Variants in PRKN observed in about 807,000 individuals in gnomAD.
PRKN encodes the protein E3 ubiquitin-protein ligase parkin.
In PRKN, 56 loss-of-function variants were observed where a neutral mutation model predicts 59.5. The ratio of observed to expected loss-of-function variants is 0.94; its 90% CI spans 0.76 to 1.18. The LOEUF is 1.18. Ranked by LOEUF, PRKN falls within the 50% of genes most tolerant of loss-of-function variation. PRKN has a pLI of 0.00. For synonymous variants in PRKN, 250 were observed against 222.1 expected (o/e 1.13, Z -1.12); for missense variants, 657 against 596.4 (o/e 1.10, Z -1.06).
intron 7 of PRKN, among the ~76,000 whole-genome samples, chr6:161,754,275 A>G (rs1171850446): frequency 6.6e-6 from 1 of 151,940 alleles, no homozygotes; most frequent in Non-Finnish European, 1.5e-5. Flanking sequence ...GATCTCAAAG[A>G]GAAAAGTGTG....
At chr6:161,952,350 G>T (rs537911703) in intron 6 of PRKN, among the ~76,000 whole-genome samples, 2 of 152,268 alleles carry the variant, frequency 1.3e-5, no homozygotes, top group East Asian at 3.9e-4. Context: ...AGGCGCCGTG[G>T]CTCATGCCTG....
At chr6:161,725,865 A>T (rs1787420275) in intron 7 of PRKN, among the ~76,000 whole-genome samples, 2 of 152,176 alleles carry the variant, frequency 1.3e-5, no homozygotes, top group Admixed American at 6.5e-5. Context: ...CTCTTCTCCC[A>T]TCCTCGGTCA....
intron 4 of PRKN, among the ~76,000 whole-genome samples, chr6:162,067,009 G>A (rs1022276721): frequency 6.6e-6 from 1 of 152,108 alleles, no homozygotes; most frequent in Non-Finnish European, 1.5e-5. Context: ...GATGACCAAC[G>A]GGATATAACA....
intron 9 of PRKN, among the ~76,000 whole-genome samples, chr6:161,504,073 C>T (rs573437734): frequency 7.2e-5 from 11 of 152,232 alleles, no homozygotes; most frequent in South Asian, 6.2e-4. Flanking sequence ...AAAGCTATAC[C>T]GATGACATGG....
intron 1 of PRKN, among the ~76,000 whole-genome samples, chr6:162,626,418 C>T (rs996833578): frequency 6.6e-6 from 1 of 152,126 alleles, no homozygotes; most frequent in Admixed American, 6.5e-5. Flanking sequence ...GAATGACTCT[C>T]GAATTAATCA....
In PRKN at chr6:161,499,255, C is replaced by T. The variant is rs1488768521; in HGVS notation, c.1083+49599G>A. ...CTTGCTAAAGTGAAGAATGAGGACA[C>T]CCTGGGCCTCCACTCCTTCCCTTCA... On this transcript the variant is annotated intron_variant, in intron 9 of 11. Coordinates refer to ENST00000366898, the MANE Select transcript of PRKN (RefSeq NM_004562.3). This position sits in a 1 kb window ranked among gnomAD's most constrained non-coding sequence, Gnocchi z 4.2. Among the ~76,000 whole-genome samples, 1 of 151,858 alleles carries T rather than the reference C, an allele frequency of 6.6e-6. No individual in the cohort carries two copies. Among genetic ancestry groups the T allele is most frequent in the African/African-American group, 2.4e-5 (1 of 41,334 alleles).
At chr6:162,212,086 T>G (rs2023071) in intron 3 of PRKN, among the ~76,000 whole-genome samples, 1 of 151,934 alleles carries the variant, frequency 6.6e-6, no homozygotes, top group Non-Finnish European at 1.5e-5. Flanking sequence ...TGTGGGACCA[T>G]GAAAGTCTTT....
At chr6:162,622,309 T>TC (rs1782707888) in intron 1 of PRKN, among the ~76,000 whole-genome samples, 3 of 149,728 alleles carry the variant, frequency 2.0e-5, no homozygotes, top group African/African-American at 7.4e-5. Context: ...TTTTGTTTTG[T>TC]TTTTTTTTGG....
intron 2 of PRKN, among the ~76,000 whole-genome samples, chr6:162,315,995 C>A (rs905726036): frequency 3.3e-5 from 5 of 151,216 alleles, no homozygotes; most frequent in Non-Finnish European, 5.9e-5. Flanking sequence ...AGGCAGCTAA[C>A]AAAGAGGGCA....
At chr6:161,748,817 T>C (rs1009282719) in intron 7 of PRKN, among the ~76,000 whole-genome samples, 2 of 152,206 alleles carry the variant, frequency 1.3e-5, no homozygotes, top group African/African-American at 4.8e-5. Flanking sequence ...CTGTTGAGAA[T>C]TGAAAGTCTC....
intron 4 of PRKN, among the ~76,000 whole-genome samples, chr6:162,191,705 A>C (rs1784283164): frequency 6.6e-6 from 1 of 152,150 alleles, no homozygotes; most frequent in Non-Finnish European, 1.5e-5. Context: ...GGCCTCCCAA[A>C]GTGCTGGGAT....
intron 3 of PRKN, among the ~76,000 whole-genome samples, chr6:162,242,280 T>C (rs538136052): frequency 1.3e-5 from 2 of 152,080 alleles, no homozygotes; most frequent in Non-Finnish European, 2.9e-5. Context: ...TGCGGGTCCC[T>C]TTGTCCCCAC....
At chr6:161,514,963 G>A (rs1478681220) in intron 9 of PRKN, among the ~76,000 whole-genome samples, 2 of 151,168 alleles carry the variant, frequency 1.3e-5, no homozygotes, top group Admixed American at 1.3e-4. Flanking sequence ...TGAGGTGGCA[G>A]TTGAGAGGCC....
intron 2 of PRKN, among the ~76,000 whole-genome samples, chr6:162,418,271 TA>T (rs539820581): frequency 2.6e-5 from 4 of 152,228 alleles, no homozygotes; most frequent in Non-Finnish European, 4.4e-5. Context: ...ATATATTGTG[TA>T]ATTCCATTTA....
At chr6:161,430,321 G>A (rs930036317) in intron 9 of PRKN, among the ~76,000 whole-genome samples, 2 of 152,204 alleles carry the variant, frequency 1.3e-5, no homozygotes, top group Admixed American at 6.5e-5. Flanking sequence ...ACTGCCTAAA[G>A]GTCCCACCTC....
chr6:162,339,173 C>T (rs1380291263), intron 2 of PRKN, among the ~76,000 whole-genome samples: 8 of 148,338 alleles, frequency 5.4e-5, no homozygotes, highest in South Asian at 4.2e-4. Flanking sequence ...CCTCTCCGCC[C>T]GGCAGCCACC....
At chr6:162,225,673 C>T (rs1778139304) in intron 3 of PRKN, among the ~76,000 whole-genome samples, 1 of 152,076 alleles carries the variant, frequency 6.6e-6, no homozygotes, top group Admixed American at 6.6e-5. Flanking sequence ...GCTGTACACA[C>T]AGCAGAGGCT....
intron 2 of PRKN, among the ~76,000 whole-genome samples, chr6:162,337,612 T>C (rs993209627): frequency 6.6e-6 from 1 of 152,172 alleles, no homozygotes; most frequent in Non-Finnish European, 1.5e-5. Context: ...ATATGCAGCA[T>C]TTCCCGTGGA....
intron 7 of PRKN, among the ~76,000 whole-genome samples, chr6:161,751,552 C>T (rs112904254): frequency 3.9e-4 from 60 of 152,250 alleles, no homozygotes; most frequent in African/African-American, 1.4e-3. Context: ...TAAAATTACA[C>T]AATCATAAAG....
Sources: gnomAD v4.1 joint callset for allele counts (sites outside exome capture counted in the v4.1 genomes callset) on GRCh38, gnomAD v4.1.1 for gene constraint, Gnocchi (gnomAD v3.1) non-coding constraint, MANE v1.5 for transcripts, NCBI Gene and HGNC (gene_info 2026-07-23, HGNC 2026-07-21) for gene names.